The following CNTN5 variants were observed in gnomAD, a reference collection of about 807,000 sequenced individuals.
CNTN5 encodes the protein contactin 5, also known as contactin-5.
A neutral mutation model predicts 129.1 loss-of-function variants in CNTN5; 77 were observed. That is an observed-to-expected ratio of 0.60 (90% CI 0.50 to 0.72). The LOEUF is 0.72. Ranked by LOEUF, CNTN5 falls within the 30% of genes least tolerant of loss-of-function variation. CNTN5 has a pLI of 0.00. For missense variants in CNTN5, 1,478 were observed against 1,328.8 expected (o/e 1.11, Z -1.75); for synonymous variants, 509 against 465.6 (o/e 1.09, Z -1.20).
chr11:99,212,661 AT>A (rs1435935433), intron 1 of CNTN5, among the ~76,000 whole-genome samples: 2 of 152,052 alleles, frequency 1.3e-5, no homozygotes, highest in Non-Finnish European at 2.9e-5. Flanking sequence ...TTTCTATATA[AT>A]TTTAAAAAAT....
intron 3 of CNTN5, among the ~76,000 whole-genome samples, chr11:99,739,692 A>C (rs1197613756): frequency 6.6e-6 from 1 of 152,138 alleles, no homozygotes; most frequent in Non-Finnish European, 1.5e-5. Context: ...ATGGGGTCTG[A>C]AATTCAGATG....
chr11:100,308,036 G>C (rs1215284202), intron 20 of CNTN5, among the ~76,000 whole-genome samples: 1 of 151,644 alleles, frequency 6.6e-6, no homozygotes, highest in Non-Finnish European at 1.5e-5. Context: ...AGCAAACACT[G>C]ACTCCATAGT....
chr11:99,239,950 A>AT (rs1565429415), intron 1 of CNTN5, among the ~76,000 whole-genome samples: 3 of 151,892 alleles, frequency 2.0e-5, no homozygotes, highest in Non-Finnish European at 4.4e-5. Flanking sequence ...AAAAAAAAAA[A>AT]AAAAAATTTA....
chr11:99,708,341 T>C (rs1489211068), intron 3 of CNTN5, among the ~76,000 whole-genome samples: 1 of 151,796 alleles, frequency 6.6e-6, no homozygotes, highest in Non-Finnish European at 1.5e-5. Context: ...AGTTTACCTG[T>C]TTAATAATTT....
At chr11:99,307,739 G>T (rs1430861875) in intron 1 of CNTN5, among the ~76,000 whole-genome samples, 1 of 152,114 alleles carries the variant, frequency 6.6e-6, no homozygotes, top group African/African-American at 2.4e-5. Flanking sequence ...TAAATGGGAG[G>T]CCTGTCAAGT....
intron 2 of CNTN5, among the ~76,000 whole-genome samples, chr11:99,370,397 T>C (rs1391315886): frequency 6.6e-6 from 1 of 152,218 alleles, no homozygotes; most frequent in Non-Finnish European, 1.5e-5. Flanking sequence ...ATTGACTAAA[T>C]TGCTGAAATT....
At chr11:99,220,990 A>T (rs963945050) in intron 1 of CNTN5, among the ~76,000 whole-genome samples, 1 of 151,978 alleles carries the variant, frequency 6.6e-6, no homozygotes, top group African/African-American at 2.4e-5. Context: ...CAATTTACAG[A>T]TACTGTAAAA....
At chr11:99,441,993 T>C (rs1188187229) in intron 2 of CNTN5, among the ~76,000 whole-genome samples, 2 of 152,122 alleles carry the variant, frequency 1.3e-5, no homozygotes, top group African/African-American at 2.4e-5. Flanking sequence ...GTGTTATCTC[T>C]CCATTAAATC....
chr11:99,400,480 A>G (rs2136209808), intron 2 of CNTN5, among the ~76,000 whole-genome samples: 1 of 152,136 alleles, frequency 6.6e-6, no homozygotes. Context: ...CTGTTGATGG[A>G]CACTTAGGCT....
intron 1 of CNTN5, among the ~76,000 whole-genome samples, chr11:99,288,922 A>C (rs1043590666): frequency 6.6e-6 from 1 of 151,836 alleles, no homozygotes; most frequent in Non-Finnish European, 1.5e-5. Context: ...AAGCATCTTT[A>C]CTGGGACTTG....
chr11:99,579,904 G>C (rs571762191), intron 3 of CNTN5, among the ~76,000 whole-genome samples: 17 of 150,048 alleles, frequency 1.1e-4, no homozygotes, highest in African/African-American at 3.7e-4. Flanking sequence ...TCCCTGTCTT[G>C]TGCCAGTTTT....
intron 2 of CNTN5, among the ~76,000 whole-genome samples, chr11:99,376,685 C>T (rs191336480): frequency 3.3e-5 from 5 of 152,222 alleles, no homozygotes; most frequent in African/African-American, 1.2e-4. Context: ...GACTTTACCC[C>T]AGTCGCTTAC....
chr11:100,276,168 G>T (rs1325224063), intron 18 of CNTN5, among the ~76,000 whole-genome samples: 4 of 152,018 alleles, frequency 2.6e-5, no homozygotes, highest in Non-Finnish European at 5.9e-5. Context: ...TCATAGAATT[G>T]CCCCTTTTCT....
intron 1 of CNTN5, among the ~76,000 whole-genome samples, chr11:99,214,368 A>C (rs1441620951): frequency 6.9e-6 from 1 of 144,708 alleles, no homozygotes; most frequent in Non-Finnish European, 1.5e-5. Flanking sequence ...TAAGATACCA[A>C]AAAATATATA....
At chr11:99,051,248 A>G (rs1293375956) in intron 1 of CNTN5, among the ~76,000 whole-genome samples, 5 of 151,928 alleles carry the variant, frequency 3.3e-5, no homozygotes, top group Non-Finnish European at 5.9e-5. Flanking sequence ...CAAGAAAGGC[A>G]TTTCTAATTT....
At chr11:100,120,368 A>G (rs958806473) in intron 13 of CNTN5, among the ~76,000 whole-genome samples, 1 of 152,000 alleles carries the variant, frequency 6.6e-6, no homozygotes, top group East Asian at 1.9e-4. Flanking sequence ...TGATCATAGT[A>G]TCAATAGTCT....
chr11:99,034,165 G>T (rs1428228295), intron 1 of CNTN5, among the ~76,000 whole-genome samples: 1 of 152,126 alleles, frequency 6.6e-6, no homozygotes, highest in Non-Finnish European at 1.5e-5. Context: ...GCTGGATTCG[G>T]TTTGCCAGTA....
Position 99,889,467 on chromosome 11 carries a change from T to TA in CNTN5, c.578-26579dup, listed in dbSNP as rs1005418759. The stretch of plus-strand genomic sequence containing the variant: ...TAGATTTTATAGTCCTCTGTACCAT[T>TA]AAAAAAAAGTCCAACAAGCTCAAAA... On this transcript the variant is annotated intron_variant, in intron 6 of 24. Coordinates refer to ENST00000524871, the MANE Select transcript of CNTN5 (RefSeq NM_014361.4). Among the ~76,000 whole-genome samples the TA allele has an allele frequency of 1.1e-4, 16 of 149,522 alleles. No individual in the cohort carries two copies. In the South Asian group the frequency reaches 1.5e-3, roughly 14 times the overall value.
chr11:99,875,819 C>G (rs1948619236), intron 6 of CNTN5, among the ~76,000 whole-genome samples: 1 of 152,028 alleles, frequency 6.6e-6, no homozygotes, highest in African/African-American at 2.4e-5. Context: ...ATAAATCAGC[C>G]TTCCCATATT....
Sources: gnomAD v4.1 joint callset for allele counts (sites outside exome capture counted in the v4.1 genomes callset) on GRCh38, gnomAD v4.1.1 for gene constraint, MANE v1.5 for transcripts, NCBI Gene and HGNC (gene_info 2026-07-23, HGNC 2026-07-21) for gene names.